Variants in KDM6A observed in about 807,000 individuals in gnomAD.
KDM6A encodes the protein lysine demethylase 6A.
KDM6A carries 11 observed loss-of-function variants against 117.6 expected under a neutral mutation model. The ratio of observed to expected loss-of-function variants is 0.09; its 90% CI spans 0.06 to 0.15. The LOEUF (loss-of-function observed/expected upper bound fraction) is 0.15. Among genes scored for constraint, KDM6A ranks in the 10% least tolerant of loss-of-function variants. The pLI, the probability that KDM6A is intolerant of heterozygous loss-of-function variation, is 1.00. For synonymous variants in KDM6A, 384 were observed against 396.1 expected, an observed-to-expected ratio of 0.97 and a Z score of 0.36; for missense variants, 799 against 1,077.3, an observed-to-expected ratio of 0.74 and a Z score of 3.62.
intron 8 of KDM6A, among the ~76,000 whole-genome samples, chrX:45,050,059 G>A (rs186384765): frequency 6.6e-4 from 75 of 113,061 alleles, no homozygotes; most frequent in African/African-American, 2.4e-3. Flanking sequence ...ACTCTGGATC[G>A]CTGGACGCGG....
At chrX:44,935,851 G>C (rs1392134676) in intron 2 of KDM6A, among the ~76,000 whole-genome samples, 2 of 111,734 alleles carry the variant, frequency 1.8e-5, no homozygotes, top group African/African-American at 6.5e-5. Flanking sequence ...AGGATATTGC[G>C]CAGGAAACAG....
chrX:44,987,012 G>A (rs2040264004), intron 4 of KDM6A, among the ~76,000 whole-genome samples: 1 of 111,340 alleles, frequency 9.0e-6, no homozygotes, highest in African/African-American at 3.3e-5. Context: ...ACAGTGGGGT[G>A]TTAAAGTCTC....
At chrX:44,873,827 C>T in intron 1 of KDM6A, 97 bp from the exon 2 acceptor site, 1 of 1,144,666 alleles carries the variant, frequency 8.7e-7, no homozygotes, top group Non-Finnish European at 1.2e-6. Flanking sequence ...CGGTTTGGCG[C>T]TCTTCGCGCC....
chrX:44,919,025 G>C (rs905007454), intron 2 of KDM6A, among the ~76,000 whole-genome samples: 1 of 111,437 alleles, frequency 9.0e-6, no homozygotes, highest in Non-Finnish European at 1.9e-5. Flanking sequence ...GAGGATTGAA[G>C]TTTTCCTAGG....
intron 2 of KDM6A, 87 bp downstream of exon 2, chrX:44,874,074 A>C (rs1017969057): frequency 2.2e-6 from 2 of 894,768 alleles, no homozygotes; most frequent in Non-Finnish European, 1.6e-6. Flanking sequence ...GTCTGTGCTC[A>C]TTGTGGCCAC....
intron 5 of KDM6A, among the ~76,000 whole-genome samples, chrX:45,016,685 A>AGATGG (rs2041985166): frequency 1.8e-5 from 2 of 110,440 alleles, no homozygotes; most frequent in South Asian, 7.7e-4. Flanking sequence ...TTTTTAGTAG[A>AGATGG]GATGGGGTTT....
rs376662882 is a variant in KDM6A at position 45,110,042 on chromosome X, A to G, written c.4162-37A>G. Reference sequence around the variant, plus strand: ...CTAAAGCAGTACAGTAAATACCACTATCTCTATTGAATACGTTTTTCTCTT... The same window carrying G: ...CTAAAGCAGTACAGTAAATACCACTGTCTCTATTGAATACGTTTTTCTCTT... On this transcript the variant is annotated intron_variant, in intron 28 of 29. Transcript: ENST00000611820. The G allele has an allele frequency of 8.8e-6, 10 of 1,140,131 alleles. No homozygotes were observed. The Admixed American group carries it at 1.1e-4, about 13-fold the overall frequency. 94.0% of individuals were successfully genotyped at this position (1,140,131 alleles called of 1,213,427 possible).
intron 10 of KDM6A, among the ~76,000 whole-genome samples, chrX:45,058,086 C>CT (rs1316897519): frequency 9.3e-5 from 7 of 75,566 alleles, no homozygotes; most frequent in African/African-American, 3.0e-4. Flanking sequence ...CCCCCCCCCC[C>CT]CTTTTTTTTT....
chrX:44,882,583 A>G (rs1271331415), intron 2 of KDM6A, among the ~76,000 whole-genome samples: 1 of 112,456 alleles, frequency 8.9e-6, no homozygotes, highest in African/African-American at 3.2e-5. Flanking sequence ...ATATTACATA[A>G]TATGTGACAC....
At chrX:44,975,714 T>C (rs180821856) in intron 4 of KDM6A, among the ~76,000 whole-genome samples, 3 of 112,158 alleles carry the variant, frequency 2.7e-5, no homozygotes, top group African/African-American at 6.5e-5. Flanking sequence ...GCTGTGCAGC[T>C]GATAGAGGCA....
intron 4 of KDM6A, among the ~76,000 whole-genome samples, chrX:45,000,034 AG>A (rs2041059393): frequency 8.9e-6 from 1 of 111,970 alleles, no homozygotes; most frequent in African/African-American, 3.3e-5. Context: ...TACTTCCATC[AG>A]TGGTGGTGGT....
intron 8 of KDM6A, among the ~76,000 whole-genome samples, chrX:45,040,661 C>A (rs1438759756): frequency 2.4e-5 from 2 of 81,635 alleles, no homozygotes; most frequent in Non-Finnish European, 4.8e-5. Context: ...GGGCGGCTGG[C>A]CGGGCGGGGG....
At chrX:44,965,142 C>A (rs1196699294) in intron 3 of KDM6A, among the ~76,000 whole-genome samples, 1 of 112,075 alleles carries the variant, frequency 8.9e-6, no homozygotes, top group Non-Finnish European at 1.9e-5. Context: ...CTTCTCTTGG[C>A]CTTCATAGAA....
chrX:44,891,479 G>A lies in KDM6A; in HGVS notation c.225+17492G>A, dbSNP rs2033358888. On this transcript the variant is annotated intron_variant, in intron 2 of 29. Coordinates refer to ENST00000611820, the MANE Select transcript of KDM6A (RefSeq NM_001291415.2). ...TATTTCTGGGTTCTCTATTATGTTC[G>A]ATTTGTCTACGTGCTTATTCCTCCA... Among the ~76,000 whole-genome samples the A allele has an allele frequency of 3.6e-5, 4 of 111,603 alleles. No individual in the cohort carries two copies. The Admixed American group carries it at 3.8e-4, about 11-fold the overall frequency.
intron 17 of KDM6A, among the ~76,000 whole-genome samples, chrX:45,067,875 C>T (rs1408864157): frequency 9.0e-6 from 1 of 110,613 alleles, no homozygotes; most frequent in East Asian, 2.8e-4. Context: ...TGGTCTTGAA[C>T]TTCTGACCTT....
intron 4 of KDM6A, among the ~76,000 whole-genome samples, chrX:44,989,379 G>T (rs1156266224): frequency 9.3e-6 from 1 of 107,244 alleles, no homozygotes; most frequent in Admixed American, 1.0e-4. Flanking sequence ...CCCTGCTTCG[G>T]CTCACGCTCA....
At chrX:44,956,927 C>T (rs2038365174) in intron 2 of KDM6A, among the ~76,000 whole-genome samples, 1 of 109,988 alleles carries the variant, frequency 9.1e-6, no homozygotes, top group Admixed American at 9.7e-5. Flanking sequence ...GTCAGGAGTT[C>T]GAGACCAGCC....
chrX:45,001,310 G>T (rs1311886709), intron 4 of KDM6A, among the ~76,000 whole-genome samples: 1 of 111,841 alleles, frequency 8.9e-6, no homozygotes. Context: ...CTGACAGTGG[G>T]GAGGGCTGTC....
intron 17 of KDM6A, among the ~76,000 whole-genome samples, chrX:45,069,181 A>G (rs1336276353): frequency 8.9e-6 from 1 of 112,520 alleles, no homozygotes; most frequent in Non-Finnish European, 1.9e-5. Context: ...CACTTTCTAT[A>G]TTAATCTTTT....
Sources: gnomAD v4.1 joint callset for allele counts (sites outside exome capture counted in the v4.1 genomes callset) on GRCh38, gnomAD v4.1.1 for gene constraint, MANE v1.5 for transcripts, NCBI Gene and HGNC (gene_info 2026-07-23, HGNC 2026-07-21) for gene names.